Variants in NHSL2 observed in about 807,000 individuals in gnomAD.
NHSL2 encodes the protein NHS like 2.
Under a neutral mutation model 53.4 loss-of-function variants are expected in NHSL2, and 27 were observed. That is an observed-to-expected ratio of 0.51 (90% CI 0.37 to 0.70). The LOEUF (loss-of-function observed/expected upper bound fraction) is 0.70. Among genes scored for constraint, NHSL2 ranks in the 30% least tolerant of loss-of-function variants. The pLI, the probability that NHSL2 is intolerant of heterozygous loss-of-function variation, is 0.00. For missense variants in NHSL2, 892 were observed against 980.1 expected, an observed-to-expected ratio of 0.91 and a Z score of 1.20; for synonymous variants, 408 against 404.1, an observed-to-expected ratio of 1.01 and a Z score of -0.12.
At chrX:72,018,750 C>T (rs2042146844) in intron 1 of NHSL2, among the ~76,000 whole-genome samples, 1 of 112,744 alleles carries the variant, frequency 8.9e-6, no homozygotes, top group Admixed American at 9.2e-5. Flanking sequence ...GGCGCCAGCC[C>T]GATGCCCGGC....
At chrX:72,079,211 G>A (rs2041769418) in intron 1 of NHSL2, among the ~76,000 whole-genome samples, 1 of 112,630 alleles carries the variant, frequency 8.9e-6, no homozygotes, top group Non-Finnish European at 1.9e-5. Flanking sequence ...TTGTTTCCTG[G>A]GTCCTTGTCC....
chrX:72,132,375 T>C (rs2042315020), intron 2 of NHSL2, 141 bp downstream of exon 2: 2 of 568,224 alleles, frequency 3.5e-6, no homozygotes, highest in Admixed American at 4.4e-5. Context: ...AGTTTCCAGC[T>C]TTCACCTTTC....
intron 1 of NHSL2, among the ~76,000 whole-genome samples, chrX:72,042,622 AG>A (rs2042281451): frequency 9.0e-6 from 1 of 110,514 alleles, no homozygotes; most frequent in Non-Finnish European, 1.9e-5. Flanking sequence ...TGGAGCTAGA[AG>A]GGGGGTTAGA....
rs2041877020 is a variant in NHSL2 at position 72,089,327 on chromosome X, C to A, written c.281-42752C>A. ...TTATTCACATTATAGTTAAATGATT[C>A]TGTGGAAGTTAACTAGCAATACAAG... On this transcript the variant is annotated intron_variant, in intron 1 of 7. Transcript: ENST00000633930. 4.5e-5 allele frequency among the ~76,000 whole-genome samples: 5 copies of A among 110,794 alleles called. No individual in the cohort carries two copies. The South Asian group carries it at 1.5e-3, about 34-fold the overall frequency.
At chrX:72,054,405 C>T (rs982739880) in intron 1 of NHSL2, among the ~76,000 whole-genome samples, 3 of 111,665 alleles carry the variant, frequency 2.7e-5, no homozygotes, top group African/African-American at 9.8e-5. Context: ...CGCATTCTGT[C>T]GTTCTTAATA....
In NHSL2 at chrX:72,150,265, A is replaced by G. The variant is rs888828803; in HGVS notation, c.*6691A>G. ...ATCAAGTATCATTTTTTAGAGGTAAACTTCCTATGTAAGGGAACCTTCTGG... is the reference window on the plus strand; with the variant it reads ...ATCAAGTATCATTTTTTAGAGGTAAGCTTCCTATGTAAGGGAACCTTCTGG... On this transcript the variant is annotated 3_prime_UTR_variant, in exon 8 of 8. Transcript: ENST00000633930. 4.5e-5 allele frequency: 5 copies of G among 111,957 alleles called. No individual in the cohort carries two copies. Among genetic ancestry groups the G allele is most frequent in the Non-Finnish European group, 7.5e-5 (4 of 53,189 alleles). 9.2% of individuals were successfully genotyped at this position (111,957 alleles called of 1,213,427 possible).
At chrX:71,932,562 G>A (rs2041718849) in intron 1 of NHSL2, among the ~76,000 whole-genome samples, 1 of 111,579 alleles carries the variant, frequency 9.0e-6, no homozygotes, top group South Asian at 3.8e-4. Context: ...TGAAGGTGGC[G>A]ATGGCAACCC....
chrX:72,047,541 C>G (rs980739665), intron 1 of NHSL2, among the ~76,000 whole-genome samples: 5 of 111,966 alleles, frequency 4.5e-5, no homozygotes, highest in South Asian at 3.7e-4. Flanking sequence ...TCTTGCTCCC[C>G]CAAATCCTAT....
At chrX:72,127,577 G>A (rs2042238515) in intron 1 of NHSL2, 1 of 111,025 alleles carries the variant, frequency 9.0e-6, no homozygotes, top group African/African-American at 3.3e-5. Flanking sequence ...CTTCTCCACA[G>A]GGACATGGGG....
At chrX:72,082,961 T>G (rs1216101397) in intron 1 of NHSL2, among the ~76,000 whole-genome samples, 1 of 111,893 alleles carries the variant, frequency 8.9e-6, no homozygotes, top group African/African-American at 3.3e-5. Context: ...TATACTATTG[T>G]TTTTTTTCAT....
intron 1 of NHSL2, among the ~76,000 whole-genome samples, chrX:72,078,329 A>ATT (rs995695326): frequency 2.6e-4 from 29 of 112,338 alleles, no homozygotes; most frequent in African/African-American, 9.1e-4. Flanking sequence ...ACCTGGGGAG[A>ATT]TTTGAAGCAG....
At chrX:71,979,075 T>C (rs2041962826) in intron 1 of NHSL2, among the ~76,000 whole-genome samples, 1 of 110,418 alleles carries the variant, frequency 9.1e-6, no homozygotes, top group Non-Finnish European at 1.9e-5. Flanking sequence ...TCCATGTCCC[T>C]ACAAAGGACA....
At chrX:71,911,400 G>A (rs1404149511) in intron 1 of NHSL2, 33 bp downstream of exon 1, 10 of 1,028,068 alleles carry the variant, frequency 9.7e-6, no homozygotes, top group Non-Finnish European at 1.2e-5. Context: ...TCGCGGCCCC[G>A]CGTCTACCCC....
chrX:72,091,989 A>AAC (rs771155822), intron 1 of NHSL2, among the ~76,000 whole-genome samples: 12 of 110,148 alleles, frequency 1.1e-4, no homozygotes, highest in South Asian at 7.7e-4. Context: ...TGCACACATG[A>AAC]ACACACACAC....
intron 1 of NHSL2, among the ~76,000 whole-genome samples, chrX:71,991,271 C>T (rs188796197): frequency 8.9e-6 from 1 of 112,645 alleles, no homozygotes; most frequent in East Asian, 2.8e-4. Flanking sequence ...TCTTACACCT[C>T]CCCACCTCCC....
At chrX:72,028,016 T>C (rs1373700760) in intron 1 of NHSL2, among the ~76,000 whole-genome samples, 1 of 111,783 alleles carries the variant, frequency 8.9e-6, no homozygotes, top group Non-Finnish European at 1.9e-5. Flanking sequence ...CTGCTGCCAC[T>C]GCTGCTGCTA....
At chrX:72,028,882 A>T in intron 1 of NHSL2, among the ~76,000 whole-genome samples, 1 of 112,358 alleles carries the variant, frequency 8.9e-6, no homozygotes. Context: ...TCAGCATCAT[A>T]TGTGGACCAA....
At chrX:72,059,839 G>A (rs1018611903) in intron 1 of NHSL2, among the ~76,000 whole-genome samples, 1 of 111,989 alleles carries the variant, frequency 8.9e-6, no homozygotes, top group Non-Finnish European at 1.9e-5. Flanking sequence ...CTTGCTCTAT[G>A]CACTTTCTAT....
At chrX:72,120,296 AT>A (rs1487778748) in intron 1 of NHSL2, among the ~76,000 whole-genome samples, 1 of 112,426 alleles carries the variant, frequency 8.9e-6, no homozygotes, top group Non-Finnish European at 1.9e-5. Context: ...GTTTGGAAGA[AT>A]TCACCAATGA....
Sources: gnomAD v4.1 joint callset for allele counts (sites outside exome capture counted in the v4.1 genomes callset) on GRCh38, gnomAD v4.1.1 for gene constraint, MANE v1.5 for transcripts, NCBI Gene and HGNC (gene_info 2026-07-23, HGNC 2026-07-21) for gene names.